CLNK: variants seen among roughly 807,000 people sequenced by gnomAD.
CLNK encodes cytokine dependent hematopoietic cell linker, also known as cytokine-dependent hematopoietic cell linker.
In CLNK, 74 loss-of-function variants were observed where a neutral mutation model predicts 68.6. That is an observed-to-expected ratio of 1.08 (90% CI 0.89 to 1.31). The LOEUF (loss-of-function observed/expected upper bound fraction) is 1.31, where lower values mean the gene tolerates loss of function less well. Ranked by LOEUF, CLNK falls within the 50% of genes most tolerant of loss-of-function variation. The pLI is 0.00. For synonymous variants in CLNK, 198 were observed against 172.2 expected, an observed-to-expected ratio of 1.15 and a Z score of -1.17; for missense variants, 553 against 515.3, an observed-to-expected ratio of 1.07 and a Z score of -0.71.
intron 12 of CLNK, among the ~76,000 whole-genome samples, chr4:10,529,944 A>G (rs1409614898): frequency 1.3e-5 from 2 of 152,176 alleles, no homozygotes; most frequent in Non-Finnish European, 2.9e-5. Flanking sequence ...TAGTCAAGTT[A>G]AATAGTAGTA....
At chr4:10,649,422 G>A (rs144937413) in intron 2 of CLNK, among the ~76,000 whole-genome samples, 2 of 152,178 alleles carry the variant, frequency 1.3e-5, no homozygotes, top group African/African-American at 4.8e-5. Context: ...CTCCTTGGTT[G>A]CTTTGCCAAC....
At chr4:10,630,482 A>C (rs1722842893) in intron 2 of CLNK, among the ~76,000 whole-genome samples, 1 of 152,050 alleles carries the variant, frequency 6.6e-6, no homozygotes, top group East Asian at 1.9e-4. Context: ...TCTACACCAA[A>C]CTCTGGGCTA....
chr4:10,704,995 C>T, the CLNK span, among the ~76,000 whole-genome samples: 1 of 152,036 alleles, frequency 6.6e-6, no homozygotes, highest in Non-Finnish European at 1.5e-5. Context: ...ATGGTATGGC[C>T]CAAGCGTGGG....
Position 10,544,756 on chromosome 4 carries a change from C to G in CLNK, c.446-2476G>C, listed in dbSNP as rs55928183. The stretch of plus-strand genomic sequence containing the variant: ...AGAATACTTGAAATTAGGTGATTTT[C>G]TAGAAATTAAGTAAGTCCAGGAACA... On this transcript the variant is annotated intron_variant, in intron 8 of 18. Coordinates refer to ENST00000226951, the MANE Select transcript of CLNK (RefSeq NM_052964.4). Among the ~76,000 whole-genome samples, 706 of 152,200 alleles carry G rather than the reference C, an allele frequency of 4.6e-3. 4 individuals carry two copies. Among genetic ancestry groups the G allele is most frequent in the African/African-American group, 0.017 (690 of 41,528 alleles).
intron 2 of CLNK, among the ~76,000 whole-genome samples, chr4:10,664,430 C>CTG (rs1724314900): frequency 6.6e-6 from 1 of 152,150 alleles, no homozygotes; most frequent in Non-Finnish European, 1.5e-5. Flanking sequence ...AGGAAAACCT[C>CTG]TGTGTGTGTG....
At position 10,490,455 on chromosome 4, in the gene CLNK, A is replaced by G; in HGVS notation, c.*12T>C. On this transcript the variant is annotated 3_prime_UTR_variant, in exon 19 of 19. Transcript: ENST00000226951. ...CTGAATCCAGTAAACCAAAGATAAC[A>G]CAAAGACCAGGCTACAGAGGCAAGA... 1.2e-6 allele frequency: 2 copies of G among 1,611,558 alleles called. No individual in the cohort carries two copies. Among genetic ancestry groups the G allele is most frequent in the Non-Finnish European group, 1.7e-6 (2 of 1,179,202 alleles).
intron 17 of CLNK, among the ~76,000 whole-genome samples, 182 bp downstream of exon 17, chr4:10,507,777 C>G (rs1395325322): frequency 6.6e-6 from 1 of 152,160 alleles, no homozygotes; most frequent in Non-Finnish European, 1.5e-5. Flanking sequence ...CCACTGCGCC[C>G]GGCCTGAAAC....
the CLNK span, among the ~76,000 whole-genome samples, chr4:10,727,432 G>A: frequency 6.6e-6 from 1 of 152,218 alleles, no homozygotes; most frequent in Non-Finnish European, 1.5e-5. Flanking sequence ...CTCACTAGCT[G>A]TGTTAATGGT....
At position 10,526,566 on chromosome 4, in the gene CLNK, G is replaced by A. The variant is rs116730699; in HGVS notation, c.650-644C>T. 7.3e-4 allele frequency among the ~76,000 whole-genome samples: 111 copies of A among 152,280 alleles called. 1 individual carries two copies. The highest frequency in any genetic ancestry group is 2.5e-3 in the African/African-American group (105 of 41,560). ...AAGAAGAAAGTTAAACAAAAGGACT[G>A]TTCTGGCAGATGGAGGAGATTGGGG... On this transcript the variant is annotated intron_variant, in intron 13 of 18. Coordinates refer to ENST00000226951, the MANE Select transcript of CLNK (RefSeq NM_052964.4).
chr4:10,730,180 C>T, the CLNK span, among the ~76,000 whole-genome samples: 1 of 152,150 alleles, frequency 6.6e-6, no homozygotes, highest in Admixed American at 6.5e-5. Flanking sequence ...GTCTGCATAG[C>T]CACCATCTGC....
the CLNK span, among the ~76,000 whole-genome samples, chr4:10,707,529 C>A: frequency 6.6e-6 from 1 of 152,208 alleles, no homozygotes; most frequent in African/African-American, 2.4e-5. Flanking sequence ...TAGGCTGAAC[C>A]AATGTATACC....
intron 8 of CLNK, among the ~76,000 whole-genome samples, chr4:10,551,429 A>ATT (rs1461034187): frequency 2.0e-4 from 25 of 127,298 alleles, no homozygotes; most frequent in Admixed American, 6.9e-4. Flanking sequence ...GTATATATAT[A>ATT]TATTTTTTTT....
At chr4:10,508,123 C>A in intron 16 of CLNK, 87 bp from the exon 17 acceptor site, 1 of 982,290 alleles carries the variant, frequency 1.0e-6, no homozygotes. Context: ...ACTTTTGCTC[C>A]ACCAGTGCCT....
intron 4 of CLNK, among the ~76,000 whole-genome samples, chr4:10,574,089 A>G (rs1041153023): frequency 6.6e-6 from 1 of 152,194 alleles, no homozygotes; most frequent in African/African-American, 2.4e-5. Flanking sequence ...TCAGTCTCCT[A>G]GAGTACCTAT....
chr4:10,643,609 G>T (rs774258956), intron 2 of CLNK, among the ~76,000 whole-genome samples: 1 of 152,250 alleles, frequency 6.6e-6, no homozygotes, highest in Non-Finnish European at 1.5e-5. Context: ...GATTGGTACA[G>T]GGTGGATGAG....
At chr4:10,600,093 T>C (rs915438373) in intron 2 of CLNK, among the ~76,000 whole-genome samples, 17 of 152,326 alleles carry the variant, frequency 1.1e-4, no homozygotes, top group African/African-American at 3.8e-4. Context: ...CTTTATTTCC[T>C]GCTACCCTCT....
At chr4:10,529,667 C>G (rs1718459325) in intron 12 of CLNK, among the ~76,000 whole-genome samples, 1 of 152,170 alleles carries the variant, frequency 6.6e-6, no homozygotes, top group African/African-American at 2.4e-5. Context: ...AGTATCCCTA[C>G]TGAGTCTCCC....
intron 2 of CLNK, among the ~76,000 whole-genome samples, chr4:10,603,487 C>G (rs1721669329): frequency 6.6e-6 from 1 of 152,176 alleles, no homozygotes; most frequent in African/African-American, 2.4e-5. Context: ...CAGCACATGT[C>G]CCATCTCCTC....
intron 2 of CLNK, among the ~76,000 whole-genome samples, chr4:10,644,116 G>A (rs540116868): frequency 6.6e-6 from 1 of 152,338 alleles, no homozygotes; most frequent in East Asian, 1.9e-4. Flanking sequence ...GAGGGGCGGA[G>A]CCTCGTGGGA....
Sources: gnomAD v4.1 joint callset for allele counts (sites outside exome capture counted in the v4.1 genomes callset) on GRCh38, gnomAD v4.1.1 for gene constraint, MANE v1.5 for transcripts, NCBI Gene and HGNC (gene_info 2026-07-23, HGNC 2026-07-21) for gene names.